Variants in DMD observed in about 807,000 individuals in gnomAD.
DMD encodes mutant dystrophin.
Under a neutral mutation model 330.1 loss-of-function variants are expected in DMD, and 63 were observed. The ratio of observed to expected loss-of-function variants is 0.19; its 90% confidence interval spans 0.16 to 0.24. The LOEUF (loss-of-function observed/expected upper bound fraction) is 0.24, where lower values mean the gene tolerates loss of function less well. Among genes scored for constraint, DMD ranks in the 10% least tolerant of loss-of-function variants. DMD has a pLI of 1.00. For synonymous variants in DMD, 1,223 were observed against 959.8 expected (o/e 1.27, Z -5.07); for missense variants, 3,344 against 2,684.1 (o/e 1.25, Z -5.43).
At chrX:31,807,859 TA>T (rs2092340376) in intron 50 of DMD, among the ~76,000 whole-genome samples, 1 of 111,993 alleles carries the variant, frequency 8.9e-6, no homozygotes, top group African/African-American at 3.2e-5. Flanking sequence ...AACATAAAGG[TA>T]AAAGACAGGC....
chrX:32,477,280 C>T (rs1355550628), intron 21 of DMD, among the ~76,000 whole-genome samples: 1 of 108,077 alleles, frequency 9.3e-6, no homozygotes, highest in Non-Finnish European at 1.9e-5. Flanking sequence ...CTATCCTGCA[C>T]TACTGTTTAT....
In DMD at chrX:31,177,951, A is replaced by G. The variant is rs763535691; in HGVS notation, c.10243T>C (p.Phe3415Leu). ...ACTCACGCAGAATCTACTGGCCAGA[A>G]GTTGATCAGAGTAACGGGACTGCAA... ...NMETPVTLIN[F>L]WPVDSAPASS... Residue 3415 changes from phenylalanine (F) to leucine (L), a missense_variant, in exon 71 of 79, where the codon TTC (phenylalanine) becomes CTC (leucine). Coordinates refer to ENST00000357033, the MANE Select transcript of DMD (RefSeq NM_004006.3). 12 of 1,207,942 alleles carry G rather than the reference A, an allele frequency of 9.9e-6. No individual in the cohort carries two copies. Among genetic ancestry groups the G allele is most frequent in the Non-Finnish European group, 1.3e-5 (12 of 893,076 alleles).
At chrX:32,441,073 A>C (rs1334639926) in intron 28 of DMD, 107 bp downstream of exon 28, 1 of 874,191 alleles carries the variant, frequency 1.1e-6, no homozygotes, top group East Asian at 3.2e-5. Flanking sequence ...TAACATAGTA[A>C]TTATACTCTC....
intron 2 of DMD, among the ~76,000 whole-genome samples, chrX:32,969,242 T>C (rs780628157): frequency 1.5e-5 from 1 of 66,352 alleles, no homozygotes; most frequent in East Asian, 4.7e-4. Flanking sequence ...TCTATATGTA[T>C]ATAGCCACCA....
chrX:32,785,636 C>G (rs1192856941), intron 7 of DMD, among the ~76,000 whole-genome samples: 2 of 111,637 alleles, frequency 1.8e-5, no homozygotes, highest in Non-Finnish European at 3.8e-5. Context: ...CTACAACTAG[C>G]TTTAGCAGTT....
rs754825727 is a variant in DMD, at chrX:31,623,307, A to G, written c.8217+4366T>C. 2.0e-3 allele frequency among the ~76,000 whole-genome samples: 218 copies of G among 111,484 alleles called. 2 individuals carry two copies. The highest frequency in any genetic ancestry group is 2.6e-3 in the Non-Finnish European group (138 of 53,094). On this transcript the variant is annotated intron_variant, in intron 55 of 78. Transcript: ENST00000357033. ...TTGAGACAGAGTCTGCTCTTTCACC[A>G]GGCTGGAGTGCAGTGGCGCCATCTC...
intron 2 of DMD, among the ~76,000 whole-genome samples, chrX:32,893,907 G>T (rs2085453050): frequency 9.0e-6 from 1 of 110,964 alleles, no homozygotes; most frequent in Admixed American, 9.6e-5. Context: ...AGATGGGCTG[G>T]CATGTTTGGG....
At chrX:33,314,571 T>G (rs1055914368) in intron 1 of DMD, among the ~76,000 whole-genome samples, 14 of 28,546 alleles carry the variant, frequency 4.9e-4, no homozygotes, top group Admixed American at 9.1e-4. Flanking sequence ...TTTTTTTTTG[T>G]TTTTTTTTTT....
chrX:31,561,404 T>C (rs1230582896), intron 55 of DMD, among the ~76,000 whole-genome samples: 1 of 111,387 alleles, frequency 9.0e-6, no homozygotes, highest in Non-Finnish European at 1.9e-5. Flanking sequence ...TCCTGTTCAT[T>C]GGAGAGGTCC....
intron 1 of DMD, among the ~76,000 whole-genome samples, chrX:33,267,541 G>A (rs760689073): frequency 3.6e-5 from 4 of 110,067 alleles, no homozygotes; most frequent in South Asian, 3.8e-4. Context: ...ATAAAAGAGC[G>A]CATATAGCCG....
At chrX:32,187,534 A>G (rs765013134) in intron 44 of DMD, among the ~76,000 whole-genome samples, 1 of 111,742 alleles carries the variant, frequency 8.9e-6, no homozygotes, top group Non-Finnish European at 1.9e-5. Flanking sequence ...TGTATGTCAA[A>G]ATTATTCCAG....
intron 30 of DMD, among the ~76,000 whole-genome samples, chrX:32,409,326 C>G (rs144593113): frequency 1.4e-3 from 159 of 111,720 alleles, no homozygotes; most frequent in Non-Finnish European, 2.2e-3. Context: ...CCCAAAATCT[C>G]TTTCTTGAAG....
chrX:32,734,981 G>T (rs1225924447), intron 7 of DMD, among the ~76,000 whole-genome samples: 1 of 110,790 alleles, frequency 9.0e-6, no homozygotes, highest in Non-Finnish European at 1.9e-5. Flanking sequence ...AATTGACCCT[G>T]TTTGCAGATG....
At position 31,189,096 on chromosome X, in the gene DMD, C is replaced by G. The variant is rs1414448280; in HGVS notation, c.9808-6192G>C. On this transcript the variant is annotated intron_variant, in intron 67 of 78. Transcript: ENST00000357033. ...CTGCCAGGAGGTCCACCTGAATACT[C>G]ATTTTTCTCTCAAGGTAATAAAATC... Among the ~76,000 whole-genome samples the G allele has an allele frequency of 2.9e-4, 32 of 111,716 alleles. 1 individual carries two copies. The highest frequency in any genetic ancestry group is 1.9e-5 in the Non-Finnish European group (1 of 53,189).
chrX:31,742,673 T>C (rs1163252655), intron 51 of DMD, among the ~76,000 whole-genome samples: 1 of 111,939 alleles, frequency 8.9e-6, no homozygotes, highest in Non-Finnish European at 1.9e-5. Flanking sequence ...ACCCCCTCCT[T>C]ACACCATATA....
rs1355296153 is a variant in DMD at position 31,192,378 on chromosome X, G to A, written c.9808-9474C>T. Among the ~76,000 whole-genome samples the A allele has an allele frequency of 2.0e-4, 22 of 112,201 alleles. No homozygotes were observed. The Admixed American group carries it at 2.1e-3, about 11-fold the overall frequency. On this transcript the variant is annotated intron_variant, in intron 67 of 78. Coordinates refer to ENST00000357033, the MANE Select transcript of DMD (RefSeq NM_004006.3). ...ACTGAGGAAACTATAGTGTACGGAC[G>A]CAAGGGATCATTTACATGAGGTTGT...
chrX:32,855,731 T>TA (rs1467874016), intron 2 of DMD, among the ~76,000 whole-genome samples: 1 of 112,037 alleles, frequency 8.9e-6, no homozygotes, highest in Non-Finnish European at 1.9e-5. Flanking sequence ...ATCATTGGGA[T>TA]AAAATCTCCA....
At chrX:32,051,048 A>G (rs916313357) in intron 44 of DMD, among the ~76,000 whole-genome samples, 4 of 102,834 alleles carry the variant, frequency 3.9e-5, no homozygotes, top group Non-Finnish European at 5.8e-5. Flanking sequence ...TCCTGGGCTC[A>G]ATCGATAATC....
At chrX:31,323,531 C>A (rs1244660236) in intron 62 of DMD, 67 bp downstream of exon 62, 1 of 944,340 alleles carries the variant, frequency 1.1e-6, no homozygotes, top group Non-Finnish European at 1.5e-6. Flanking sequence ...TAAAAATAAA[C>A]TCACTTGTGA....
Sources: gnomAD v4.1 joint callset for allele counts (sites outside exome capture counted in the v4.1 genomes callset) on GRCh38, gnomAD v4.1.1 for gene constraint, MANE v1.5 for transcripts, NCBI Gene and HGNC (gene_info 2026-07-23, HGNC 2026-07-21) for gene names.